The following EFCAB13 variants were observed in gnomAD, a reference collection of about 807,000 sequenced individuals.
EFCAB13 encodes EF-hand calcium binding domain 13, also known as EF-hand calcium-binding domain-containing protein 13.
A neutral mutation model predicts 110.2 loss-of-function variants in EFCAB13; 91 were observed. That is an observed-to-expected ratio of 0.83 (90% CI 0.70 to 0.98). EFCAB13 has a LOEUF of 0.98. Ranked by LOEUF, EFCAB13 falls within the 50% of genes least tolerant of loss-of-function variation. The pLI, the probability that EFCAB13 is intolerant of heterozygous loss-of-function variation, is 0.00. For synonymous variants in EFCAB13, 323 were observed against 369.9 expected (o/e 0.87, Z 1.45); for missense variants, 968 against 1,119.4 (o/e 0.86, Z 1.93).
At position 47,372,521 on chromosome 17, in the gene EFCAB13, G is replaced by A. The variant is rs1042432486; in HGVS notation, c.878-1951G>A. ...GTATTAGTGTATTCTGACTTTGACT[G>A]TGTACTTACTTTTACCAGTGAGTTT... is the stretch of plus-strand genomic sequence containing the variant. On this transcript the variant is annotated intron_variant, in intron 11 of 24. Transcript: ENST00000331493. 2.8e-4 allele frequency among the ~76,000 whole-genome samples: 42 copies of A among 152,120 alleles called. 1 individual carries two copies. The highest frequency in any genetic ancestry group is 8.9e-4 in the African/African-American group (37 of 41,440).
chr17:47,412,722 AT>A (rs1302970894), intron 21 of EFCAB13, 50 bp from the exon 22 acceptor site: 36 of 1,507,502 alleles, frequency 2.4e-5, no homozygotes, highest in Non-Finnish European at 2.9e-5. Context: ...TGGACAAATT[AT>A]TTTGAATGTT....
chr17:47,383,603 T>G (rs1218509607), intron 14 of EFCAB13, among the ~76,000 whole-genome samples: 2 of 152,272 alleles, frequency 1.3e-5, no homozygotes, highest in African/African-American at 4.8e-5. Context: ...AGTGAGTTTC[T>G]TAATCCTGAG....
intron 23 of EFCAB13, among the ~76,000 whole-genome samples, chr17:47,421,595 C>G (rs1216424442): frequency 5.0e-5 from 7 of 140,812 alleles, no homozygotes. Context: ...CCAAATCCCC[C>G]TCTGCGAGAA....
At chr17:47,398,715 G>C (rs936145637) in intron 17 of EFCAB13, among the ~76,000 whole-genome samples, 1 of 150,710 alleles carries the variant, frequency 6.6e-6, no homozygotes, top group Non-Finnish European at 1.5e-5. Context: ...CAAACACTGC[G>C]GAAGGCCGCA....
intron 23 of EFCAB13, among the ~76,000 whole-genome samples, chr17:47,415,558 A>G (rs1230955857): frequency 6.6e-6 from 1 of 152,182 alleles, no homozygotes; most frequent in Non-Finnish European, 1.5e-5. Context: ...AAGGTTAAAA[A>G]GATTAATATG....
At chr17:47,385,985 C>G (rs1239502622) in intron 14 of EFCAB13, among the ~76,000 whole-genome samples, 3 of 152,200 alleles carry the variant, frequency 2.0e-5, no homozygotes, top group Admixed American at 2.0e-4. Context: ...ATTGCTGTTG[C>G]TCCTTCTTCT....
intron 23 of EFCAB13, among the ~76,000 whole-genome samples, chr17:47,420,206 C>G (rs1904600090): frequency 6.6e-6 from 1 of 152,234 alleles, no homozygotes; most frequent in African/African-American, 2.4e-5. Context: ...GCCTCGGCCT[C>G]CCAAGGTGCC....
chr17:47,351,692 G>C (rs2065454063), intron 9 of EFCAB13, among the ~76,000 whole-genome samples: 1 of 152,044 alleles, frequency 6.6e-6, no homozygotes, highest in South Asian at 2.1e-4. Flanking sequence ...ATCAGTCCTT[G>C]TTGGATGCAT....
At chr17:47,401,136 C>G (rs2065776984) in intron 17 of EFCAB13, among the ~76,000 whole-genome samples, 1 of 152,170 alleles carries the variant, frequency 6.6e-6, no homozygotes, top group African/African-American at 2.4e-5. Flanking sequence ...CGTTTTTACT[C>G]TAGAGAATAG....
chr17:47,400,655 C>T (rs1242794430), intron 17 of EFCAB13, among the ~76,000 whole-genome samples: 2 of 150,614 alleles, frequency 1.3e-5, no homozygotes, highest in African/African-American at 4.9e-5. Flanking sequence ...CTTTGCTTCC[C>T]TCCCTTCTCC....
intron 21 of EFCAB13, among the ~76,000 whole-genome samples, chr17:47,412,128 T>C (rs538579747): frequency 2.4e-4 from 37 of 152,068 alleles, no homozygotes; most frequent in African/African-American, 7.5e-4. Context: ...ACCAGAAAAA[T>C]TAAAAAGCAC....
intron 14 of EFCAB13, among the ~76,000 whole-genome samples, chr17:47,387,668 C>G (rs1284348502): frequency 1.3e-5 from 2 of 149,620 alleles, no homozygotes; most frequent in Non-Finnish European, 3.0e-5. Context: ...GTTACTAGTT[C>G]TTTACTCTGT....
chr17:47,416,977 A>G (rs1391832131), intron 23 of EFCAB13, among the ~76,000 whole-genome samples: 1 of 152,200 alleles, frequency 6.6e-6, no homozygotes, highest in Non-Finnish European at 1.5e-5. Context: ...AAATTCATGT[A>G]TAATTTCAGA....
At chr17:47,408,841 C>T (rs1159038330) in intron 20 of EFCAB13, among the ~76,000 whole-genome samples, 4 of 151,880 alleles carry the variant, frequency 2.6e-5, no homozygotes, top group African/African-American at 9.7e-5. Context: ...AGGATAATAC[C>T]CTTGCCCCCC....
intron 3 of EFCAB13, 88 bp from the exon 4 acceptor site, chr17:47,328,181 C>T: frequency 2.9e-6 from 2 of 680,480 alleles, no homozygotes; most frequent in East Asian, 2.5e-5. Flanking sequence ...GTCAGTGTTA[C>T]ATTGAAGAGA....
At chr17:47,424,896 T>TTTTTTTTTTTTTTTTTTTTCC (rs1567807243) in intron 23 of EFCAB13, among the ~76,000 whole-genome samples, 1 of 84,482 alleles carries the variant, frequency 1.2e-5, no homozygotes, top group Non-Finnish European at 2.3e-5. Flanking sequence ...TTTTTTTTTT[T>TTTTTTTTTTTTTTTTTTTTCC]TTTTGAGACG....
chr17:47,372,376 A>G (rs1017972787), intron 11 of EFCAB13, among the ~76,000 whole-genome samples: 1 of 152,098 alleles, frequency 6.6e-6, no homozygotes, highest in African/African-American at 2.4e-5. Flanking sequence ...CTCCTTCTGC[A>G]TTTATAATTT....
chr17:47,362,528 ACT>A (rs2065520673), intron 10 of EFCAB13, among the ~76,000 whole-genome samples: 1 of 151,558 alleles, frequency 6.6e-6, no homozygotes, highest in Non-Finnish European at 1.5e-5. Flanking sequence ...TTTAGAGAAG[ACT>A]CTACTCCTCC....
intron 4 of EFCAB13, among the ~76,000 whole-genome samples, chr17:47,333,493 T>C (rs1036358138): frequency 1.3e-5 from 2 of 152,230 alleles, no homozygotes; most frequent in African/African-American, 4.8e-5. Flanking sequence ...TATAGAGTCT[T>C]ATCCAACAAA....
Sources: allele counts gnomAD v4.1 joint callset (sites outside exome capture counted in the v4.1 genomes callset), GRCh38; gene constraint gnomAD v4.1.1; transcripts MANE v1.5; gene names NCBI Gene and HGNC (gene_info 2026-07-23, HGNC 2026-07-21).